The following SIPA1L3 variants were observed in gnomAD, a reference collection of about 807,000 sequenced individuals.
SIPA1L3 encodes signal induced proliferation associated 1 like 3.
In SIPA1L3, 59 loss-of-function variants were observed where a neutral mutation model predicts 150.1. The ratio of observed to expected loss-of-function variants is 0.39; its 90% confidence interval spans 0.32 to 0.49. SIPA1L3 has a LOEUF of 0.49. Among genes scored for constraint, SIPA1L3 ranks in the 20% least tolerant of loss-of-function variants. SIPA1L3 has a pLI of 0.86. For synonymous variants in SIPA1L3, 1,070 were observed against 1,077.6 expected, an observed-to-expected ratio of 0.99 and a Z score of 0.14; for missense variants, 2,211 against 2,489.5, an observed-to-expected ratio of 0.89 and a Z score of 2.38.
intron 18 of SIPA1L3, 57 bp downstream of exon 18, chr19:38,193,837 GA>G: frequency 6.8e-7 from 1 of 1,474,302 alleles, no homozygotes; most frequent in Non-Finnish European, 8.9e-7. Flanking sequence ...GGGAGGTGGG[GA>G]TGCCCGAGCA....
At chr19:38,063,427 C>G (rs896888400) in intron 2 of SIPA1L3, among the ~76,000 whole-genome samples, 1 of 152,200 alleles carries the variant, frequency 6.6e-6, no homozygotes, top group African/African-American at 2.4e-5. Context: ...AGCCCGGCCC[C>G]CAGCGGCAGG....
intron 1 of SIPA1L3, among the ~76,000 whole-genome samples, chr19:37,936,057 C>T (rs184189117): frequency 6.6e-6 from 1 of 152,260 alleles, no homozygotes; most frequent in African/African-American, 2.4e-5. Flanking sequence ...GCTCTACCTC[C>T]AGCCTGATAT....
chr19:37,945,939 G>A (rs1222184876), intron 1 of SIPA1L3, among the ~76,000 whole-genome samples: 1 of 152,080 alleles, frequency 6.6e-6, no homozygotes, highest in Non-Finnish European at 1.5e-5. Flanking sequence ...AGGATCACCT[G>A]AGGTCAGGAG....
intron 18 of SIPA1L3, among the ~76,000 whole-genome samples, chr19:38,194,508 C>T (rs911168963): frequency 2.0e-5 from 3 of 152,310 alleles, no homozygotes; most frequent in South Asian, 2.1e-4. Flanking sequence ...TGGGGCAGAG[C>T]GCTGGCGTGC....
intron 14 of SIPA1L3, 115 bp downstream of exon 14, chr19:38,162,486 G>A (rs1288363231): frequency 2.6e-6 from 2 of 755,318 alleles, no homozygotes; most frequent in Non-Finnish European, 4.6e-6. Context: ...TCAGCAGAGG[G>A]GTTGAATACT....
At chr19:38,070,837 C>G (rs1969698735) in intron 2 of SIPA1L3, among the ~76,000 whole-genome samples, 1 of 152,142 alleles carries the variant, frequency 6.6e-6, no homozygotes, top group South Asian at 2.1e-4. Context: ...AGAGAGGAAC[C>G]CTCGGACTTG....
chr19:38,114,772 C>A (rs972788648), intron 8 of SIPA1L3, among the ~76,000 whole-genome samples: 6 of 152,238 alleles, frequency 3.9e-5, no homozygotes, highest in African/African-American at 1.4e-4. Flanking sequence ...CATCCAGCCA[C>A]GTGGCACTCC....
At chr19:38,163,665 C>T (rs1182317458) in intron 14 of SIPA1L3, among the ~76,000 whole-genome samples, 1 of 151,980 alleles carries the variant, frequency 6.6e-6, no homozygotes, top group East Asian at 1.9e-4. Context: ...GCAGAGGGAG[C>T]AGCAGGCGCA....
intron 1 of SIPA1L3, among the ~76,000 whole-genome samples, chr19:37,920,539 G>C (rs2046449860): frequency 1.3e-5 from 2 of 152,082 alleles, no homozygotes; most frequent in Non-Finnish European, 2.9e-5. Flanking sequence ...CAGACAATGA[G>C]GGCTTATTAT....
At chr19:37,957,708 TTTTAA>T (rs1568479000) in intron 1 of SIPA1L3, among the ~76,000 whole-genome samples, 2 of 151,960 alleles carry the variant, frequency 1.3e-5, no homozygotes, top group South Asian at 4.2e-4. Flanking sequence ...CCCAGCTAAT[TTTTAA>T]TTTAATTTAA....
At chr19:37,947,472 G>A (rs2046722610) in intron 1 of SIPA1L3, among the ~76,000 whole-genome samples, 1 of 150,318 alleles carries the variant, frequency 6.7e-6, no homozygotes, top group African/African-American at 2.5e-5. Flanking sequence ...CTGGGCGACA[G>A]AGTGAGACTC....
intron 2 of SIPA1L3, among the ~76,000 whole-genome samples, chr19:38,070,553 G>A (rs1969694053): frequency 1.3e-5 from 2 of 152,184 alleles, no homozygotes; most frequent in Non-Finnish European, 2.9e-5. Context: ...AATGGATTTC[G>A]AGTGTTTGGT....
chr19:38,138,752 G>A (rs889225985), intron 10 of SIPA1L3, among the ~76,000 whole-genome samples: 1 of 151,910 alleles, frequency 6.6e-6, no homozygotes, highest in East Asian at 1.9e-4. Flanking sequence ...ACAAAAGTTA[G>A]CCAGGCATGG....
At chr19:38,013,446 A>G (rs914347573) in intron 1 of SIPA1L3, among the ~76,000 whole-genome samples, 8 of 152,204 alleles carry the variant, frequency 5.3e-5, no homozygotes, top group East Asian at 1.9e-4. Flanking sequence ...CGTGTGATAA[A>G]ACATTCAAAT....
intron 10 of SIPA1L3, among the ~76,000 whole-genome samples, chr19:38,140,457 T>A (rs936537632): frequency 3.9e-5 from 6 of 152,116 alleles, no homozygotes; most frequent in Admixed American, 2.6e-4. Context: ...TCCAGCTGCC[T>A]TTAAGATTCT....
intron 7 of SIPA1L3, among the ~76,000 whole-genome samples, chr19:38,107,210 T>C (rs952848769): frequency 2.0e-5 from 3 of 152,184 alleles, no homozygotes; most frequent in Admixed American, 2.0e-4. Context: ...GTGCTGTTTT[T>C]TCCAGTTGTC....
intron 1 of SIPA1L3, among the ~76,000 whole-genome samples, chr19:37,983,585 C>T (rs532893433): frequency 5.3e-5 from 8 of 152,110 alleles, no homozygotes; most frequent in Non-Finnish European, 8.8e-5. Flanking sequence ...ACCTTGTGAA[C>T]CTAAGAAACA....
At chr19:38,198,820 T>A (rs1372720427) in intron 19 of SIPA1L3, among the ~76,000 whole-genome samples, 1 of 152,186 alleles carries the variant, frequency 6.6e-6, no homozygotes, top group Non-Finnish European at 1.5e-5. Context: ...CCAAGCACAG[T>A]GGTTCACACC....
chr19:38,195,806 C>G (rs1277476007), intron 18 of SIPA1L3, among the ~76,000 whole-genome samples: 2 of 132,378 alleles, frequency 1.5e-5, no homozygotes, highest in South Asian at 2.9e-4. Context: ...CCCCCCGCCC[C>G]CCCGGGTTTC....
Sources: gnomAD v4.1 joint callset for allele counts (sites outside exome capture counted in the v4.1 genomes callset) on GRCh38, gnomAD v4.1.1 for gene constraint, MANE v1.5 for transcripts, NCBI Gene and HGNC (gene_info 2026-07-23, HGNC 2026-07-21) for gene names.